The following SH3PXD2A variants were observed in gnomAD, a reference collection of about 807,000 sequenced individuals.
SH3PXD2A encodes the protein SH3 and PX domain-containing protein 2A.
SH3PXD2A carries 32 observed loss-of-function variants against 115.2 expected under a neutral mutation model. The ratio of observed to expected loss-of-function variants is 0.28; its 90% CI spans 0.21 to 0.37. SH3PXD2A has a LOEUF of 0.37. Among genes scored for constraint, SH3PXD2A ranks in the 10% least tolerant of loss-of-function variants. SH3PXD2A has a pLI of 1.00. For synonymous variants in SH3PXD2A, 610 were observed against 629.1 expected (o/e 0.97, Z 0.45); for missense variants, 1,328 against 1,498.7 (o/e 0.89, Z 1.88).
intron 2 of SH3PXD2A, among the ~76,000 whole-genome samples, chr10:103,787,373 TAG>T (rs1415633299): frequency 2.4e-4 from 36 of 152,350 alleles, no homozygotes; most frequent in Non-Finnish European, 2.9e-5. Flanking sequence ...AAGCAATGGA[TAG>T]AGTCTCCCAT....
intron 5 of SH3PXD2A, among the ~76,000 whole-genome samples, chr10:103,697,449 G>GC (rs2037838371): frequency 2.6e-5 from 4 of 152,208 alleles, no homozygotes; most frequent in Non-Finnish European, 4.4e-5. Flanking sequence ...TCACCACGAT[G>GC]CTGGCAGACA....
intron 4 of SH3PXD2A, among the ~76,000 whole-genome samples, chr10:103,733,390 T>C (rs2038345755): frequency 6.6e-6 from 1 of 152,212 alleles, no homozygotes; most frequent in Admixed American, 6.5e-5. Context: ...ATCTGAGCTA[T>C]AAATCCCAGC....
rs146607701 is a variant in SH3PXD2A at position 103,831,679 on chromosome 10, CTAAT to C, written c.72+23512_72+23515del. Among the ~76,000 whole-genome samples, 1,015 of 152,256 alleles carry C rather than the reference CTAAT, an allele frequency of 6.7e-3. 10 individuals carry two copies. Among genetic ancestry groups the C allele is most frequent in the African/African-American group, 0.022 (908 of 41,528 alleles). ...TACAAAAATAAATTTAATTAATTAA[CTAAT>C]TAAAGTGTGCAATTCAGTGTTTTTT... On this transcript the variant is annotated intron_variant, in intron 1 of 14. Transcript: ENST00000369774.
chr10:103,606,156 A>G (rs891507108), intron 13 of SH3PXD2A, among the ~76,000 whole-genome samples: 2 of 149,270 alleles, frequency 1.3e-5, no homozygotes, highest in East Asian at 2.0e-4. Flanking sequence ...TGAGCTATCA[A>G]AATTCTCACA....
chr10:103,845,770 C>G (rs2134323470), intron 1 of SH3PXD2A, among the ~76,000 whole-genome samples: 1 of 152,298 alleles, frequency 6.6e-6, no homozygotes, highest in African/African-American at 2.4e-5. Flanking sequence ...CCTGTAACAG[C>G]TCTATGATGA....
chr10:103,663,623 TC>T (rs1295345474), intron 7 of SH3PXD2A, among the ~76,000 whole-genome samples: 2 of 152,206 alleles, frequency 1.3e-5, no homozygotes, highest in Non-Finnish European at 2.9e-5. Context: ...TTTTTGGACA[TC>T]CCCCCTGTGT....
chr10:103,745,130 T>C (rs1168879957), intron 3 of SH3PXD2A, among the ~76,000 whole-genome samples: 1 of 152,212 alleles, frequency 6.6e-6, no homozygotes, highest in African/African-American at 2.4e-5. Flanking sequence ...AACTCATAAA[T>C]GCCAAGCCCC....
Position 103,784,342 on chromosome 10 carries a change from C to T in SH3PXD2A, c.153+16940G>A, listed in dbSNP as rs1286045577. Among the ~76,000 whole-genome samples the T allele has an allele frequency of 6.6e-6, 1 of 152,190 alleles. No individual in the cohort carries two copies. Among genetic ancestry groups the T allele is most frequent in the Non-Finnish European group, 1.5e-5 (1 of 68,036 alleles). On this transcript the variant is annotated intron_variant, in intron 2 of 14. Coordinates refer to ENST00000369774, the MANE Select transcript of SH3PXD2A (RefSeq NM_001394015.1). The surrounding 1 kb of genome is among the most constrained non-coding windows in gnomAD (Gnocchi z 4.4). ...CCCACGTGGATGCCCGTGCCTGGAGCGCCTTCCCAGCCTACCTGAACCCCA... is the reference window on the plus strand; with the variant it reads ...CCCACGTGGATGCCCGTGCCTGGAGTGCCTTCCCAGCCTACCTGAACCCCA...
At chr10:103,733,954 G>A (rs1420799102) in intron 4 of SH3PXD2A, among the ~76,000 whole-genome samples, 3 of 151,752 alleles carry the variant, frequency 2.0e-5, no homozygotes, top group African/African-American at 2.4e-5. Context: ...ATGAGGTCTC[G>A]TTATGCTACC....
At chr10:103,851,734 C>T (rs1172325725) in intron 1 of SH3PXD2A, among the ~76,000 whole-genome samples, 1 of 152,160 alleles carries the variant, frequency 6.6e-6, no homozygotes, top group Non-Finnish European at 1.5e-5. Flanking sequence ...GTTTCACCAT[C>T]GATGGTAACT....
At chr10:103,693,407 G>A (rs1157049425) in intron 5 of SH3PXD2A, 1 of 152,014 alleles carries the variant, frequency 6.6e-6, no homozygotes, top group African/African-American at 2.4e-5. Context: ...GACGCTCCGG[G>A]ATGGCGCTCG....
chr10:103,802,755 T>G (rs79939205), intron 1 of SH3PXD2A, among the ~76,000 whole-genome samples: 10,193 of 152,196 alleles, frequency 0.067, 502 homozygotes, highest in Non-Finnish European at 0.098. Context: ...AGGCAATGGC[T>G]GTAGGTCCTC....
At chr10:103,805,067 A>G (rs982219346) in intron 1 of SH3PXD2A, among the ~76,000 whole-genome samples, 3 of 152,224 alleles carry the variant, frequency 2.0e-5, no homozygotes, top group African/African-American at 7.2e-5. Context: ...AGGACATTAG[A>G]CATCAGCCTT....
intron 5 of SH3PXD2A, among the ~76,000 whole-genome samples, chr10:103,710,693 T>A (rs535750850): frequency 6.6e-6 from 1 of 152,212 alleles, no homozygotes; most frequent in South Asian, 2.1e-4. Context: ...CTGTGGTATA[T>A]GCCACAAGTG....
intron 8 of SH3PXD2A, among the ~76,000 whole-genome samples, chr10:103,659,437 G>A (rs888813215): frequency 6.6e-6 from 1 of 152,190 alleles, no homozygotes; most frequent in Non-Finnish European, 1.5e-5. Flanking sequence ...TCCCTCGCCT[G>A]AGGTCTCCCA....
rs145956109 is a variant in SH3PXD2A, at chr10:103,848,831, A to G, written c.72+6364T>C. 1.2e-3 allele frequency among the ~76,000 whole-genome samples: 180 copies of G among 152,268 alleles called. 1 individual carries two copies. The highest frequency in any genetic ancestry group is 4.1e-3 in the African/African-American group (172 of 41,544). Reference sequence around the variant, plus strand: ...TTCAGGACTTAGTGATTGTGAAAGCAAATACTTATGCTGAGCTCCATAAGG... The same window carrying G: ...TTCAGGACTTAGTGATTGTGAAAGCGAATACTTATGCTGAGCTCCATAAGG... On this transcript the variant is annotated intron_variant, in intron 1 of 14. Transcript: ENST00000369774.
At chr10:103,639,710 AGCACAGAGGTGTGAGCCTGT>A (rs1564851307) in intron 8 of SH3PXD2A, among the ~76,000 whole-genome samples, 1 of 152,102 alleles carries the variant, frequency 6.6e-6, no homozygotes, top group Non-Finnish European at 1.5e-5. Context: ...TATTAAGCAG[AGCACAGAGGTGTGAGCCTGT>A]GCCCAGATTC....
At chr10:103,749,725 G>A (rs2038551658) in intron 3 of SH3PXD2A, 1 of 152,196 alleles carries the variant, frequency 6.6e-6, no homozygotes, top group Non-Finnish European at 1.5e-5. Context: ...ATAATCGTAT[G>A]ACTTACAAGG....
At chr10:103,728,889 G>GTTTT (rs199842369) in intron 4 of SH3PXD2A, among the ~76,000 whole-genome samples, 113 of 142,856 alleles carry the variant, frequency 7.9e-4, no homozygotes, top group African/African-American at 2.8e-3. Context: ...TTTTTTGTTT[G>GTTTT]TTTGTTTGTT....
Sources: allele counts gnomAD v4.1 joint callset (sites outside exome capture counted in the v4.1 genomes callset), GRCh38; gene constraint gnomAD v4.1.1; non-coding constraint Gnocchi (gnomAD v3.1); transcripts MANE v1.5; gene names NCBI Gene and HGNC (gene_info 2026-07-23, HGNC 2026-07-21).